The following LHFPL3 variants were observed in gnomAD, a reference collection of about 807,000 sequenced individuals.
LHFPL3 encodes the protein LHFPL tetraspan subfamily member 3 protein.
Under a neutral mutation model 19.3 loss-of-function variants are expected in LHFPL3, and 5 were observed. That is an observed-to-expected ratio of 0.26 (90% CI 0.14 to 0.54). The LOEUF is 0.54. Among genes scored for constraint, LHFPL3 ranks in the 20% least tolerant of loss-of-function variants. LHFPL3 has a pLI of 0.94. For missense variants in LHFPL3, 249 were observed against 307.4 expected (o/e 0.81, Z 1.42); for synonymous variants, 133 against 126.2 (o/e 1.05, Z -0.36).
chr7:104,589,850 T>C (rs1252663226), intron 1 of LHFPL3, among the ~76,000 whole-genome samples: 1 of 152,214 alleles, frequency 6.6e-6, no homozygotes, highest in Non-Finnish European at 1.5e-5. Flanking sequence ...GGAGGGTGTA[T>C]GTGCCGAGGA....
chr7:104,844,013 G>C (rs564398998), intron 2 of LHFPL3, among the ~76,000 whole-genome samples: 3 of 152,192 alleles, frequency 2.0e-5, no homozygotes, highest in Non-Finnish European at 4.4e-5. Context: ...CTCAGAGCAT[G>C]GTCAGCAAAG....
chr7:104,632,226 G>GA (rs1464544818), intron 1 of LHFPL3, among the ~76,000 whole-genome samples: 2 of 152,184 alleles, frequency 1.3e-5, no homozygotes, highest in African/African-American at 4.8e-5. Context: ...GAGACCTCTA[G>GA]AATCGCTTTG....
intron 1 of LHFPL3, among the ~76,000 whole-genome samples, chr7:104,502,989 C>T (rs935969263): frequency 4.0e-5 from 6 of 151,714 alleles, no homozygotes; most frequent in East Asian, 1.9e-4. Context: ...AAAATAATAA[C>T]GCCTTAAAAT....
intron 1 of LHFPL3, among the ~76,000 whole-genome samples, chr7:104,428,584 CAGTACA>C (rs1791892967): frequency 1.3e-5 from 2 of 152,164 alleles, no homozygotes; most frequent in African/African-American, 4.8e-5. Flanking sequence ...GTGCTTCTTA[CAGTACA>C]AAACGTCTAC....
At chr7:104,844,008 A>ACCATGCCTTT (rs1791266050) in intron 2 of LHFPL3, among the ~76,000 whole-genome samples, 3 of 152,206 alleles carry the variant, frequency 2.0e-5, no homozygotes, top group Non-Finnish European at 4.4e-5. Context: ...AGGGACTCAG[A>ACCATGCCTTT]GCATGGTCAG....
At chr7:104,585,946 C>T (rs1276511921) in intron 1 of LHFPL3, among the ~76,000 whole-genome samples, 1 of 151,934 alleles carries the variant, frequency 6.6e-6, no homozygotes, top group Non-Finnish European at 1.5e-5. Flanking sequence ...CAGTGGCTTG[C>T]TGAATTAATC....
At chr7:104,858,185 T>C (rs929874830) in intron 2 of LHFPL3, among the ~76,000 whole-genome samples, 10 of 152,218 alleles carry the variant, frequency 6.6e-5, no homozygotes, top group Admixed American at 1.3e-4. Context: ...GGCTCAGATC[T>C]TACTGCAACC....
At chr7:104,802,417 C>T (rs1790270118) in intron 2 of LHFPL3, among the ~76,000 whole-genome samples, 2 of 150,052 alleles carry the variant, frequency 1.3e-5, no homozygotes, top group Admixed American at 6.7e-5. Context: ...ATTGCTTGAA[C>T]CTGGAAGTTC....
At chr7:104,670,236 G>A (rs1231673927) in intron 1 of LHFPL3, among the ~76,000 whole-genome samples, 6 of 151,538 alleles carry the variant, frequency 4.0e-5, no homozygotes, top group Non-Finnish European at 7.4e-5. Flanking sequence ...TGGGAAAATC[G>A]TGGTTTGAAA....
At chr7:104,821,021 G>T (rs1255458360) in intron 2 of LHFPL3, among the ~76,000 whole-genome samples, 2 of 152,078 alleles carry the variant, frequency 1.3e-5, no homozygotes, top group Admixed American at 6.6e-5. Flanking sequence ...CTTCCAAGAG[G>T]CCTGCCTCCC....
intron 1 of LHFPL3, among the ~76,000 whole-genome samples, chr7:104,557,826 C>T (rs1197751219): frequency 6.7e-6 from 1 of 149,560 alleles, no homozygotes; most frequent in African/African-American, 2.5e-5. Context: ...TATCCCTCCC[C>T]ACTCCCCCCA....
At chr7:104,597,347 T>A (rs934692813) in intron 1 of LHFPL3, among the ~76,000 whole-genome samples, 1 of 152,236 alleles carries the variant, frequency 6.6e-6, no homozygotes, top group African/African-American at 2.4e-5. Context: ...ATTTTCACTC[T>A]TTATATTTTA....
At chr7:104,714,175 T>G (rs552689729) in intron 1 of LHFPL3, among the ~76,000 whole-genome samples, 2 of 152,356 alleles carry the variant, frequency 1.3e-5, no homozygotes, top group Admixed American at 1.3e-4. Flanking sequence ...ACTGACTTCT[T>G]TCACCCTCCC....
intron 1 of LHFPL3, among the ~76,000 whole-genome samples, chr7:104,729,656 A>G (rs1793655805): frequency 6.6e-6 from 1 of 152,264 alleles, no homozygotes; most frequent in South Asian, 2.1e-4. Context: ...TTCACTTAAC[A>G]TCATGTTCTC....
At chr7:104,495,982 T>C (rs973047311) in intron 1 of LHFPL3, among the ~76,000 whole-genome samples, 6 of 152,288 alleles carry the variant, frequency 3.9e-5, no homozygotes, top group Non-Finnish European at 8.8e-5. Flanking sequence ...ATTTTTTTTT[T>C]AATACTTTTA....
intron 1 of LHFPL3, among the ~76,000 whole-genome samples, chr7:104,583,420 A>T: frequency 6.6e-6 from 1 of 152,244 alleles, no homozygotes; most frequent in East Asian, 1.9e-4. Context: ...CATGTCTAAA[A>T]CATCAAAAGC....
intron 1 of LHFPL3, among the ~76,000 whole-genome samples, chr7:104,424,496 TA>T (rs1392145535): frequency 7.2e-5 from 11 of 152,180 alleles, no homozygotes. Context: ...AGATGTAATA[TA>T]AATGCAGACT....
chr7:104,572,561 A>G (rs1486362836), intron 1 of LHFPL3, among the ~76,000 whole-genome samples: 3 of 152,190 alleles, frequency 2.0e-5, no homozygotes, highest in Non-Finnish European at 4.4e-5. Context: ...ATATAACCCA[A>G]TTTTATAGAA....
At chr7:104,905,955 T>C (rs908799839) in intron 2 of LHFPL3, among the ~76,000 whole-genome samples, 1 of 152,218 alleles carries the variant, frequency 6.6e-6, no homozygotes, top group Admixed American at 6.5e-5. Context: ...TTGACCCAGA[T>C]GGAGGGAATA....
Sources: gnomAD v4.1 joint callset for allele counts (sites outside exome capture counted in the v4.1 genomes callset) on GRCh38, gnomAD v4.1.1 for gene constraint, MANE v1.5 for transcripts, NCBI Gene and HGNC (gene_info 2026-07-23, HGNC 2026-07-21) for gene names.